The following FARP1 variants were observed in gnomAD, a reference collection of about 807,000 sequenced individuals.
FARP1 encodes FERM, ARHGEF and pleckstrin domain-containing protein 1.
FARP1 carries 52 observed loss-of-function variants against 128.8 expected under a neutral mutation model. The ratio of observed to expected loss-of-function variants is 0.40; its 90% CI spans 0.32 to 0.51. The LOEUF is 0.51. Ranked by LOEUF, FARP1 falls within the 20% of genes least tolerant of loss-of-function variation. FARP1 has a pLI of 0.45. For missense variants in FARP1, 1,333 were observed against 1,367.9 expected, an observed-to-expected ratio of 0.97 and a Z score of 0.40; for synonymous variants, 580 against 551.8, an observed-to-expected ratio of 1.05 and a Z score of -0.72.
At chr13:98,428,418 T>C (rs1891870882) in intron 17 of FARP1, among the ~76,000 whole-genome samples, 1 of 152,142 alleles carries the variant, frequency 6.6e-6, no homozygotes, top group Admixed American at 6.5e-5. Context: ...TTGCTTCTCC[T>C]GGCTCTCTGT....
chr13:98,197,204 C>T (rs1227120567), intron 1 of FARP1, among the ~76,000 whole-genome samples: 4 of 152,166 alleles, frequency 2.6e-5, no homozygotes, highest in South Asian at 2.1e-4. Flanking sequence ...TGGTGGCTCA[C>T]GCCTGTGATC....
chr13:98,410,811 A>C lies in FARP1; in HGVS notation c.1680A>C (p.Glu560Asp). The C allele has an allele frequency of 6.4e-7, 1 of 1,571,754 alleles. No homozygotes were observed. Among genetic ancestry groups the C allele is most frequent in the Non-Finnish European group, 8.7e-7 (1 of 1,144,358 alleles). ...TTERTYLKDL[E>D]VITSWFQSTV... ...AGCGAACATATCTGAAGGATCTCGA[A>C]GTTATCACTTCGGTATGTGCAGTAT... The change falls in exon 15 of 27, where the codon GAA becomes GAC. Residue 560 changes from glutamate to aspartate, a missense_variant. Physicochemically the swap from Glu to Asp is conservative, Grantham distance 45 (BLOSUM62 2). This residue lies in a region of FARP1 where 1,009 missense variants were observed against 969.8 expected (regional missense o/e 1.04). Transcript: ENST00000319562.
At position 98,256,284 on chromosome 13, in the gene FARP1, C is replaced by A. The variant is rs9582206; in HGVS notation, c.171+42871C>A. Among the ~76,000 whole-genome samples, 607 of 152,154 alleles carry A rather than the reference C, an allele frequency of 4.0e-3. 2 individuals carry two copies. The highest frequency in any genetic ancestry group is 0.014 in the African/African-American group (587 of 41,498). ...AGGTAATGAATCAGTATTTAAAATT[C>A]GAGGTTTTTAAAAAAGTTATCAATT... On this transcript the variant is annotated intron_variant, in intron 2 of 26. Transcript: ENST00000319562.
chr13:98,383,526 T>G (rs1318642716), intron 6 of FARP1: 2 of 152,176 alleles, frequency 1.3e-5, no homozygotes, highest in Non-Finnish European at 2.9e-5. Context: ...ATTGCTGGAG[T>G]GCATTGCCCT....
At chr13:98,248,267 C>G (rs899717173) in intron 2 of FARP1, among the ~76,000 whole-genome samples, 1 of 151,834 alleles carries the variant, frequency 6.6e-6, no homozygotes, top group Non-Finnish European at 1.5e-5. Context: ...TTTTTGAACT[C>G]TTTTCTACTG....
At chr13:98,426,631 AC>A (rs1891799291) in intron 17 of FARP1, among the ~76,000 whole-genome samples, 2 of 152,262 alleles carry the variant, frequency 1.3e-5, no homozygotes, top group Admixed American at 6.5e-5. Context: ...GACCACGGTA[AC>A]ATTGACTGGA....
At chr13:98,245,568 A>G (rs1476229631) in intron 2 of FARP1, among the ~76,000 whole-genome samples, 13 of 152,220 alleles carry the variant, frequency 8.5e-5, no homozygotes, top group South Asian at 2.1e-4. Flanking sequence ...AAGGAAGTGG[A>G]TGATCAAGCC....
In FARP1 at chr13:98,374,563, A is replaced by C. The variant is rs541766824; in HGVS notation, c.399-3258A>C. Reference sequence around the variant, plus strand: ...CTCATGATAGCATCTTGTTGAAGAAACTGGACCAGCTACACTACACAGTAT... The same window carrying C: ...CTCATGATAGCATCTTGTTGAAGAACCTGGACCAGCTACACTACACAGTAT... On this transcript the variant is annotated intron_variant, in intron 5 of 26. Coordinates refer to ENST00000319562, the MANE Select transcript of FARP1 (RefSeq NM_005766.4). Among the ~76,000 whole-genome samples, 4 of 152,230 alleles carry C rather than the reference A, an allele frequency of 2.6e-5. No individual in the cohort carries two copies. In the South Asian group the frequency reaches 6.2e-4, roughly 24 times the overall value.
intron 13 of FARP1, chr13:98,407,212 T>G (rs1314653048): frequency 6.5e-6 from 1 of 152,676 alleles, no homozygotes; most frequent in Non-Finnish European, 1.5e-5. Context: ...GTTGCCAGAT[T>G]ACGGTGGACA....
chr13:98,437,307 A>G lies in FARP1; in HGVS notation c.2275-1497A>G, dbSNP rs546490434. On this transcript the variant is annotated intron_variant, in intron 19 of 26. Coordinates refer to ENST00000319562, the MANE Select transcript of FARP1 (RefSeq NM_005766.4). ...TGAAAAATGGGAATAATGATACTGA[A>G]GGTGCAGGCTCACGTCTGGAGCTCC... 2.6e-5 allele frequency among the ~76,000 whole-genome samples: 4 copies of G among 152,256 alleles called. No homozygotes were observed. In the East Asian group the frequency reaches 7.7e-4, roughly 29 times the overall value.
intron 1 of FARP1, among the ~76,000 whole-genome samples, chr13:98,179,503 C>A (rs996984755): frequency 1.3e-5 from 2 of 152,110 alleles, no homozygotes; most frequent in African/African-American, 4.8e-5. Flanking sequence ...GTGATCTTTG[C>A]TGCCAGAATT....
chr13:98,171,313 G>A (rs1444116216), intron 1 of FARP1, among the ~76,000 whole-genome samples: 1 of 152,212 alleles, frequency 6.6e-6, no homozygotes, highest in Non-Finnish European at 1.5e-5. Flanking sequence ...GTCCCTGGGT[G>A]CAAAGGTCTA....
intron 2 of FARP1, among the ~76,000 whole-genome samples, chr13:98,233,357 C>G (rs928256276): frequency 6.6e-6 from 1 of 152,056 alleles, no homozygotes; most frequent in African/African-American, 2.4e-5. Context: ...CACTCAGTCA[C>G]TGGTGTGCAG....
intron 2 of FARP1, among the ~76,000 whole-genome samples, chr13:98,295,764 A>G (rs538424908): frequency 6.6e-6 from 1 of 152,230 alleles, no homozygotes; most frequent in East Asian, 1.9e-4. Flanking sequence ...GACATCTAGC[A>G]TGTCAAGTAA....
intron 2 of FARP1, among the ~76,000 whole-genome samples, chr13:98,277,927 G>C (rs139003918): frequency 2.5e-5 from 2 of 78,450 alleles, no homozygotes; most frequent in East Asian, 5.2e-4. Flanking sequence ...ATTGTGCAGC[G>C]AGGGTCAAAA....
At chr13:98,287,206 G>GTT (rs1885215294) in intron 2 of FARP1, among the ~76,000 whole-genome samples, 1 of 87,756 alleles carries the variant, frequency 1.1e-5, no homozygotes, top group African/African-American at 4.7e-5. Flanking sequence ...CATCAGACAT[G>GTT]TCTTTTTTTT....
intron 2 of FARP1, among the ~76,000 whole-genome samples, chr13:98,221,902 AC>A (rs1881435095): frequency 6.6e-6 from 1 of 152,202 alleles, no homozygotes; most frequent in South Asian, 2.1e-4. Flanking sequence ...AAATATAAAA[AC>A]ATTGCACATA....
Position 98,311,570 on chromosome 13 carries a change from C to T in FARP1, c.172-32192C>T, listed in dbSNP as rs757159444. 1.2e-4 allele frequency among the ~76,000 whole-genome samples: 15 copies of T among 126,320 alleles called. No homozygotes were observed. The East Asian group carries it at 3.5e-3, about 30-fold the overall frequency. 82.9% of individuals were successfully genotyped at this position (126,320 alleles called of 152,430 possible). A position where few individuals can be genotyped will look rare whatever the true frequency, so the allele number is the denominator to read the frequency against. On this transcript the variant is annotated intron_variant, in intron 2 of 26. Transcript: ENST00000319562. ...GGTGCTGTGTGTGTGTGTGCATGTG[C>T]GTGTGTGTGTGTGCACACACGTGCA... is the stretch of plus-strand genomic sequence containing the variant.
intron 2 of FARP1, chr13:98,245,208 A>G: frequency 1.0e-6 from 1 of 985,530 alleles, no homozygotes; most frequent in Middle Eastern, 5.2e-4. Context: ...GTGTTCTGAG[A>G]AATCTACAGT....
Sources: allele counts gnomAD v4.1 joint callset (sites outside exome capture counted in the v4.1 genomes callset), GRCh38; gene constraint gnomAD v4.1.1; regional missense constraint gnomAD v4.1.1; transcripts MANE v1.5; gene names NCBI Gene and HGNC (gene_info 2026-07-23, HGNC 2026-07-21).